The following NAALADL2 variants were observed in gnomAD, a reference collection of about 807,000 sequenced individuals.
NAALADL2 encodes the protein N-acetylated alpha-linked acidic dipeptidase like 2, also known as inactive N-acetylated-alpha-linked acidic dipeptidase-like protein 2.
NAALADL2 carries 76 observed loss-of-function variants against 87.2 expected under a neutral mutation model. The observed-to-expected ratio is 0.87, with a 90% CI of 0.72 to 1.05. The LOEUF (loss-of-function observed/expected upper bound fraction) is 1.05. Ranked by LOEUF, NAALADL2 falls within the 50% of genes least tolerant of loss-of-function variation. The pLI is 0.00. For synonymous variants in NAALADL2, 354 were observed against 331.0 expected (o/e 1.07, Z -0.75); for missense variants, 1,089 against 945.8 (o/e 1.15, Z -1.99).
chr3:174,841,012 A>G (rs1053256162), intron 3 of NAALADL2, among the ~76,000 whole-genome samples: 1 of 151,546 alleles, frequency 6.6e-6, no homozygotes, highest in Non-Finnish European at 1.5e-5. Context: ...TTTTTAGGAA[A>G]GCATGTTATG....
chr3:174,751,989 T>A (rs1046325744), intron 3 of NAALADL2, among the ~76,000 whole-genome samples: 3 of 151,942 alleles, frequency 2.0e-5, no homozygotes, highest in Non-Finnish European at 4.4e-5. Flanking sequence ...TTTCTTTTTA[T>A]TTTTTTTAGA....
In NAALADL2 at chr3:175,356,606, T is replaced by TAAA. The variant is rs1325747434; in HGVS notation, c.1090+32283_1090+32284insAAA. On this transcript the variant is annotated intron_variant, in intron 5 of 13. Transcript: ENST00000454872. ...ATAATAATAATAATAATAATAATAA[T>TAAA]AATAAAGAAATAAAAGAAAATACCA... Among the ~76,000 whole-genome samples, 40 of 131,392 alleles carry TAAA rather than the reference T, an allele frequency of 3.0e-4. 2 individuals carry two copies. The South Asian group carries it at 7.7e-3, about 25-fold the overall frequency. The allele number at this position is 131,392 out of a possible 152,430, so 86.2% of individuals were successfully genotyped here.
chr3:174,967,589 A>T (rs1475290799), intron 1 of NAALADL2, among the ~76,000 whole-genome samples: 1 of 151,986 alleles, frequency 6.6e-6, no homozygotes, highest in Non-Finnish European at 1.5e-5. Flanking sequence ...TTTTGTTCTC[A>T]TTTTCTTGCT....
chr3:174,761,592 G>T (rs1294835042), intron 3 of NAALADL2, among the ~76,000 whole-genome samples: 2 of 152,074 alleles, frequency 1.3e-5, no homozygotes, highest in Non-Finnish European at 1.5e-5. Flanking sequence ...TGGCACAAAA[G>T]TTTTTGCAAT....
At chr3:174,880,805 C>T (rs1729096880) in intron 1 of NAALADL2, among the ~76,000 whole-genome samples, 2 of 152,108 alleles carry the variant, frequency 1.3e-5, no homozygotes, top group South Asian at 4.1e-4. Context: ...TGCTTATTTT[C>T]TCATAATTCT....
At chr3:175,129,057 G>A (rs183377212) in intron 2 of NAALADL2, among the ~76,000 whole-genome samples, 21 of 152,000 alleles carry the variant, frequency 1.4e-4, no homozygotes, top group African/African-American at 4.8e-4. Context: ...TCCTGTCTCA[G>A]CCCCTGGAGT....
intron 9 of NAALADL2, among the ~76,000 whole-genome samples, chr3:175,557,547 A>G (rs1476407707): frequency 6.6e-6 from 1 of 151,918 alleles, no homozygotes; most frequent in African/African-American, 2.4e-5. Flanking sequence ...CTTTCCCCCA[A>G]TCCCCAACTA....
At position 175,158,246 on chromosome 3, in the gene NAALADL2, C is replaced by T. The variant is rs114927424; in HGVS notation, c.545+60955C>T. Among the ~76,000 whole-genome samples the T allele has an allele frequency of 2.4e-3, 370 of 152,126 alleles. 2 individuals carry two copies. Among genetic ancestry groups the T allele is most frequent in the African/African-American group, 8.4e-3 (349 of 41,530 alleles). ...CTTTAGGCACATTTCAGTAGGGTTA[C>T]GGATTTTTTGCCCTCATTTGGCGAT... is the stretch of plus-strand genomic sequence containing the variant. On this transcript the variant is annotated intron_variant, in intron 2 of 13. Coordinates refer to ENST00000454872, the MANE Select transcript of NAALADL2 (RefSeq NM_207015.3).
intron 2 of NAALADL2, among the ~76,000 whole-genome samples, chr3:174,717,402 A>G (rs970944663): frequency 6.6e-6 from 1 of 152,170 alleles, no homozygotes; most frequent in Admixed American, 6.6e-5. Context: ...AATAGGAGGG[A>G]AAAATGTCAT....
chr3:175,333,653 A>G (rs926282857), intron 5 of NAALADL2, among the ~76,000 whole-genome samples: 2 of 152,080 alleles, frequency 1.3e-5, no homozygotes, highest in Non-Finnish European at 2.9e-5. Context: ...AGAATGATAG[A>G]TATCAGAGGC....
At chr3:174,847,615 A>G (rs1560283128) in intron 3 of NAALADL2, among the ~76,000 whole-genome samples, 1 of 152,156 alleles carries the variant, frequency 6.6e-6, no homozygotes, top group Admixed American at 6.5e-5. Flanking sequence ...CCATCTTATT[A>G]CTTGCCTGAC....
intron 1 of NAALADL2, among the ~76,000 whole-genome samples, chr3:174,465,669 G>A (rs1716490700): frequency 6.6e-6 from 1 of 152,034 alleles, no homozygotes; most frequent in Non-Finnish European, 1.5e-5. Context: ...CTTTTGTAAT[G>A]TTATGTCCAT....
chr3:174,862,282 C>T (rs1054706167), intron 1 of NAALADL2, among the ~76,000 whole-genome samples: 4 of 152,026 alleles, frequency 2.6e-5, no homozygotes, highest in African/African-American at 9.7e-5. Context: ...CACTCTATCA[C>T]TCCATCAGTC....
At chr3:175,496,597 C>T (rs1267497550) in intron 9 of NAALADL2, among the ~76,000 whole-genome samples, 1 of 152,076 alleles carries the variant, frequency 6.6e-6, no homozygotes, top group Non-Finnish European at 1.5e-5. Flanking sequence ...CTTTGTCACC[C>T]AAGCTAGAGT....
intron 3 of NAALADL2, among the ~76,000 whole-genome samples, chr3:174,797,974 G>A (rs1560234785): frequency 6.6e-6 from 1 of 152,008 alleles, no homozygotes; most frequent in Non-Finnish European, 1.5e-5. Flanking sequence ...GTATCTAAGA[G>A]TTTTATAGTT....
intron 2 of NAALADL2, among the ~76,000 whole-genome samples, chr3:174,647,327 A>G (rs531081666): frequency 6.6e-6 from 1 of 152,314 alleles, no homozygotes; most frequent in Admixed American, 6.5e-5. Flanking sequence ...CAGAAGTTAT[A>G]AAATCAGATG....
chr3:175,785,537 T>A (rs1576822189), intron 13 of NAALADL2, among the ~76,000 whole-genome samples: 2 of 133,732 alleles, frequency 1.5e-5, no homozygotes, highest in Non-Finnish European at 3.1e-5. Context: ...CCCTGCCTTT[T>A]TTTGTTTTCC....
intron 11 of NAALADL2, among the ~76,000 whole-genome samples, chr3:175,665,930 C>T (rs905552704): frequency 4.6e-5 from 7 of 151,444 alleles, no homozygotes; most frequent in Admixed American, 3.3e-4. Flanking sequence ...ACTCTGTCCC[C>T]CCCCCAAAAA....
chr3:174,825,229 C>G (rs1373666788), intron 3 of NAALADL2, among the ~76,000 whole-genome samples: 1 of 152,178 alleles, frequency 6.6e-6, no homozygotes, highest in African/African-American at 2.4e-5. Flanking sequence ...AGAAGGCTGG[C>G]AGTATAATTC....
Sources: gnomAD v4.1 joint callset for allele counts (sites outside exome capture counted in the v4.1 genomes callset) on GRCh38, gnomAD v4.1.1 for gene constraint, MANE v1.5 for transcripts, NCBI Gene and HGNC (gene_info 2026-07-23, HGNC 2026-07-21) for gene names.